DCLK2: variants seen among roughly 807,000 people sequenced by gnomAD.
DCLK2 encodes the protein doublecortin like kinase 2.
DCLK2 carries 31 observed loss-of-function variants against 78.4 expected under a neutral mutation model. The ratio of observed to expected loss-of-function variants is 0.40; its 90% CI spans 0.30 to 0.53. The LOEUF (loss-of-function observed/expected upper bound fraction) is 0.53, where lower values mean the gene tolerates loss of function less well. DCLK2 is among the 20% of genes least tolerant of loss of function. The pLI, the probability that DCLK2 is intolerant of heterozygous loss-of-function variation, is 0.61. For missense variants in DCLK2, 872 were observed against 973.7 expected, an observed-to-expected ratio of 0.90 and a Z score of 1.39; for synonymous variants, 407 against 374.9, an observed-to-expected ratio of 1.09 and a Z score of -0.99.
intron 8 of DCLK2, among the ~76,000 whole-genome samples, 186 bp from the exon 9 acceptor site, chr4:150,232,148 CAAT>C (rs1228824938): frequency 6.6e-6 from 1 of 152,136 alleles, no homozygotes; most frequent in Non-Finnish European, 1.5e-5. Flanking sequence ...TTGGTAATGT[CAAT>C]AATATGTTCA....
chr4:150,097,009 G>A (rs541728137), intron 1 of DCLK2, among the ~76,000 whole-genome samples: 21 of 152,236 alleles, frequency 1.4e-4, no homozygotes, highest in African/African-American at 4.8e-4. Flanking sequence ...ACCTCAGCAT[G>A]GGAGGAGAGA....
chr4:150,204,974 CAG>C (rs1157363926), intron 5 of DCLK2, among the ~76,000 whole-genome samples: 8 of 152,076 alleles, frequency 5.3e-5, no homozygotes, highest in African/African-American at 1.7e-4. Flanking sequence ...GATGTATACA[CAG>C]TGTCATGTAT....
intron 2 of DCLK2, chr4:150,175,748 TGCACTTACTGTAGA>T (rs1428516440): frequency 6.6e-6 from 1 of 152,244 alleles, no homozygotes; most frequent in East Asian, 1.9e-4. Flanking sequence ...AATAATGTGT[TGCACTTACTGTAGA>T]ATATGTCTTG....
chr4:150,123,644 TC>T, intron 2 of DCLK2, among the ~76,000 whole-genome samples: 1 of 152,170 alleles, frequency 6.6e-6, no homozygotes, highest in Non-Finnish European at 1.5e-5. Flanking sequence ...CCACGAAACT[TC>T]CATTCGTAAA....
intron 1 of DCLK2, among the ~76,000 whole-genome samples, chr4:150,090,218 C>G (rs1283045314): frequency 6.6e-6 from 1 of 152,174 alleles, no homozygotes; most frequent in South Asian, 2.1e-4. Flanking sequence ...CCAGCCTGAC[C>G]AACATGGAGA....
chr4:150,109,793 T>C (rs934225186), intron 2 of DCLK2, among the ~76,000 whole-genome samples: 5 of 152,198 alleles, frequency 3.3e-5, no homozygotes, highest in African/African-American at 1.2e-4. Flanking sequence ...TAGTAGGATA[T>C]TTCTGTTCAG....
chr4:150,103,274 A>G (rs913769743), intron 2 of DCLK2, among the ~76,000 whole-genome samples: 3 of 152,228 alleles, frequency 2.0e-5, no homozygotes, highest in Non-Finnish European at 4.4e-5. Context: ...GTATTTCAAA[A>G]GAAAGTACTT....
At chr4:150,241,207 G>A (rs1469616374) in intron 12 of DCLK2, among the ~76,000 whole-genome samples, 1 of 152,198 alleles carries the variant, frequency 6.6e-6, no homozygotes, top group Non-Finnish European at 1.5e-5. Context: ...ACAAACACTT[G>A]TGGTATAAAT....
At chr4:150,159,074 C>T (rs115326106) in intron 2 of DCLK2, among the ~76,000 whole-genome samples, 2,108 of 152,134 alleles carry the variant, frequency 0.014, 51 homozygotes, top group African/African-American at 0.048. Context: ...GAATTTTTTT[C>T]TTTGAGCAAT....
At chr4:150,189,208 A>T (rs1024830134) in intron 2 of DCLK2, among the ~76,000 whole-genome samples, 7 of 150,754 alleles carry the variant, frequency 4.6e-5, no homozygotes, top group Admixed American at 6.7e-5. Flanking sequence ...AAAAAAAATT[A>T]TATTAAACTG....
intron 14 of DCLK2, among the ~76,000 whole-genome samples, chr4:150,249,205 AAAAC>A (rs1424108708): frequency 6.6e-6 from 1 of 152,124 alleles, no homozygotes; most frequent in Non-Finnish European, 1.5e-5. Flanking sequence ...ATTAAAGTGA[AAAAC>A]AATGATCTTT....
chr4:150,102,677 G>A lies in DCLK2; in HGVS notation c.621G>A (p.Lys207=). The part of the protein sequence containing the change: ...KLVTVIRSGV[K]PRKAVRILLN... Reference sequence around the variant, plus strand: ...TGACTGTGATTCGAAGTGGAGTGAAGCCTAGAAAAGCCGTGCGGATCCTTC... The same window carrying A: ...TGACTGTGATTCGAAGTGGAGTGAAACCTAGAAAAGCCGTGCGGATCCTTC... Residue 207 remains lysine (K), a synonymous_variant, in exon 2 of 16, where the codon AAG becomes AAA. Coordinates refer to ENST00000296550, the MANE Select transcript of DCLK2 (RefSeq NM_001040260.4). 6.2e-7 allele frequency: 1 copy of A among 1,614,108 alleles called. No homozygotes were observed. Among genetic ancestry groups the A allele is most frequent in the African/African-American group, 1.3e-5 (1 of 75,022 alleles).
At chr4:150,097,418 C>T (rs1159239537) in intron 1 of DCLK2, among the ~76,000 whole-genome samples, 3 of 152,154 alleles carry the variant, frequency 2.0e-5, no homozygotes, top group Non-Finnish European at 4.4e-5. Context: ...CCACCTTGGC[C>T]TCCCAAAATG....
intron 3 of DCLK2, among the ~76,000 whole-genome samples, chr4:150,193,969 C>G (rs1738667747): frequency 6.7e-6 from 1 of 150,264 alleles, no homozygotes; most frequent in Non-Finnish European, 1.5e-5. Context: ...CCAGGCTAGT[C>G]TTGAATTCCT....
chr4:150,211,480 T>C (rs1355257504), intron 5 of DCLK2, among the ~76,000 whole-genome samples: 1 of 152,178 alleles, frequency 6.6e-6, no homozygotes, highest in African/African-American at 2.4e-5. Context: ...CTGGGGCTCA[T>C]GAGGGCTATT....
intron 5 of DCLK2, among the ~76,000 whole-genome samples, chr4:150,216,181 A>G (rs2126508561): frequency 6.6e-6 from 1 of 152,376 alleles, no homozygotes; most frequent in South Asian, 2.1e-4. Flanking sequence ...CTTATCAAAG[A>G]AGTTTACCAT....
Position 150,079,480 on chromosome 4 carries a change from G to A in DCLK2, c.421+32G>A, listed in dbSNP as rs1729080239. On this transcript the variant is annotated intron_variant, in intron 1 of 15. Transcript: ENST00000296550. ...GGGGAGGGCGCCGCACGGCAGGTGCGGCGGAGCGCCGGCAGGTGCAGTGGG... is the reference window on the plus strand; with the variant it reads ...GGGGAGGGCGCCGCACGGCAGGTGCAGCGGAGCGCCGGCAGGTGCAGTGGG... The A allele has an allele frequency of 2.1e-6, 3 of 1,445,518 alleles. No homozygotes were observed. The South Asian group carries it at 4.4e-5, about 21-fold the overall frequency. 89.5% of individuals were successfully genotyped at this position (1,445,518 alleles called of 1,614,324 possible).
intron 2 of DCLK2, among the ~76,000 whole-genome samples, chr4:150,172,749 C>CT (rs573185570): frequency 0.51 from 45,192 of 87,786 alleles, 11,562 homozygotes; most frequent in South Asian, 0.71. Context: ...AGAGAGTGTT[C>CT]TTTTTTTTTT....
intron 2 of DCLK2, among the ~76,000 whole-genome samples, chr4:150,179,350 A>T (rs1560839522): frequency 6.6e-6 from 1 of 152,148 alleles, no homozygotes; most frequent in Non-Finnish European, 1.5e-5. Context: ...TTTAATAGTG[A>T]TGATTTTCCT....
Sources: allele counts gnomAD v4.1 joint callset (sites outside exome capture counted in the v4.1 genomes callset), GRCh38; gene constraint gnomAD v4.1.1; transcripts MANE v1.5; gene names NCBI Gene and HGNC (gene_info 2026-07-23, HGNC 2026-07-21).